Variants in DENND1A observed in about 807,000 individuals in gnomAD.
DENND1A encodes DENN domain-containing protein 1A.
DENND1A carries 51 observed loss-of-function variants against 113.7 expected under a neutral mutation model. The ratio of observed to expected loss-of-function variants is 0.45; its 90% CI spans 0.36 to 0.57. The LOEUF (loss-of-function observed/expected upper bound fraction) is 0.57, where lower values mean the gene tolerates loss of function less well. DENND1A is among the 20% of genes least tolerant of loss of function. DENND1A has a pLI of 0.00. For synonymous variants in DENND1A, 565 were observed against 570.8 expected (o/e 0.99, Z 0.14); for missense variants, 1,258 against 1,395.9 (o/e 0.90, Z 1.57).
intron 19 of DENND1A, among the ~76,000 whole-genome samples, chr9:123,435,079 G>A (rs76274475): frequency 0.07 from 10,628 of 152,226 alleles, 467 homozygotes; most frequent in Admixed American, 0.096. Flanking sequence ...GAAGATGGAG[G>A]AGTGAGTTTG....
intron 2 of DENND1A, among the ~76,000 whole-genome samples, chr9:123,847,123 T>C (rs1842733865): frequency 6.6e-6 from 1 of 152,176 alleles, no homozygotes; most frequent in Non-Finnish European, 1.5e-5. Context: ...GTTACTGGTG[T>C]GTGCCACTGT....
intron 19 of DENND1A, among the ~76,000 whole-genome samples, chr9:123,436,057 T>G (rs993787652): frequency 6.6e-6 from 1 of 152,216 alleles, no homozygotes; most frequent in African/African-American, 2.4e-5. Flanking sequence ...TGCCCAGGGC[T>G]GCCGGGGAGG....
chr9:123,514,629 A>G (rs1308186801), intron 13 of DENND1A, among the ~76,000 whole-genome samples: 2 of 152,210 alleles, frequency 1.3e-5, no homozygotes, highest in South Asian at 4.1e-4. Context: ...TGTAGAAAGT[A>G]GTCACAGATA....
intron 13 of DENND1A, among the ~76,000 whole-genome samples, chr9:123,514,387 A>G (rs1277678430): frequency 6.6e-6 from 1 of 152,010 alleles, no homozygotes; most frequent in African/African-American, 2.4e-5. Context: ...TTGGAACTTA[A>G]GTAGGATCTA....
chr9:123,410,201 C>A (rs749269591), intron 20 of DENND1A, among the ~76,000 whole-genome samples: 19 of 152,210 alleles, frequency 1.2e-4, no homozygotes, highest in Non-Finnish European at 1.5e-4. Context: ...GGCACAGCCC[C>A]GGAGGTGAAA....
intron 13 of DENND1A, among the ~76,000 whole-genome samples, chr9:123,473,198 G>A (rs1423438086): frequency 6.6e-6 from 1 of 152,184 alleles, no homozygotes; most frequent in African/African-American, 2.4e-5. Flanking sequence ...CTGCAAATCA[G>A]GCAACAGGAA....
chr9:123,516,152 AC>A (rs2053889237), intron 13 of DENND1A, among the ~76,000 whole-genome samples: 2 of 93,648 alleles, frequency 2.1e-5, no homozygotes, highest in African/African-American at 1.0e-4. Context: ...ACACACACAC[AC>A]ACAAAGGTTG....
intron 13 of DENND1A, among the ~76,000 whole-genome samples, chr9:123,508,831 T>C (rs2053197885): frequency 6.6e-6 from 1 of 152,216 alleles, no homozygotes; most frequent in African/African-American, 2.4e-5. Context: ...GTCTTTTTCC[T>C]AACACATTTT....
At chr9:123,859,487 A>G (rs1844750836) in intron 2 of DENND1A, among the ~76,000 whole-genome samples, 1 of 151,704 alleles carries the variant, frequency 6.6e-6, no homozygotes, top group Non-Finnish European at 1.5e-5. Context: ...AGGTTAAATT[A>G]CCTATTTAAA....
At position 123,380,195 on chromosome 9, in the gene DENND1A, G is replaced by GTGTC. The variant is rs1253272302; in HGVS notation, c.*1233_*1236dup. ...GGTCGAAATGCTCACAATTTCCTGC[G>GTGTC]TGTCTCAGATGGTTGTTTTCTTAAA... On this transcript the variant is annotated 3_prime_UTR_variant, in exon 24 of 24. Transcript: ENST00000394215. 6.6e-6 allele frequency: 1 copy of GTGTC among 152,364 alleles called. No homozygotes were observed. Among genetic ancestry groups the GTGTC allele is most frequent in the Non-Finnish European group, 1.5e-5 (1 of 68,038 alleles). The allele number at this position is 152,364 out of a possible 1,614,324, so 9.4% of individuals were successfully genotyped here.
intron 9 of DENND1A, among the ~76,000 whole-genome samples, chr9:123,643,425 GC>G (rs1431661860): frequency 6.6e-6 from 1 of 152,188 alleles, no homozygotes; most frequent in East Asian, 1.9e-4. Context: ...AAGTAAATAT[GC>G]CTTTGTCATT....
rs747659921 is a variant in DENND1A, at chr9:123,685,375, T to G, written c.303-8586A>C. Among the ~76,000 whole-genome samples the G allele has an allele frequency of 3.3e-5, 5 of 152,242 alleles. No homozygotes were observed. The South Asian group carries it at 6.2e-4, about 19-fold the overall frequency. On this transcript the variant is annotated intron_variant, in intron 5 of 23. Transcript: ENST00000394215. ...TTAGTTAAGCTCAAGAATCTCTGAT[T>G]TATGTCCATAATTAATGTCCCATTG...
intron 2 of DENND1A, among the ~76,000 whole-genome samples, chr9:123,856,816 T>C (rs932544686): frequency 6.6e-6 from 1 of 151,898 alleles, no homozygotes; most frequent in Admixed American, 6.6e-5. Flanking sequence ...TGGGTAGGCA[T>C]TGGTGGCAGC....
intron 13 of DENND1A, among the ~76,000 whole-genome samples, chr9:123,540,924 C>G (rs1006105010): frequency 6.6e-6 from 1 of 152,208 alleles, no homozygotes; most frequent in Non-Finnish European, 1.5e-5. Flanking sequence ...GTTCTAGAGG[C>G]AGACAGACCT....
chr9:123,702,261 G>C (rs1287846147), intron 5 of DENND1A, among the ~76,000 whole-genome samples: 1 of 151,710 alleles, frequency 6.6e-6, no homozygotes, highest in Non-Finnish European at 1.5e-5. Context: ...ACAATCAGAG[G>C]ATAAAAAAGG....
In DENND1A at chr9:123,422,534, A is replaced by G. The variant is rs2045389222; in HGVS notation, c.1489-10705T>C. Among the ~76,000 whole-genome samples the G allele has an allele frequency of 6.6e-6, 1 of 151,952 alleles. No homozygotes were observed. Among genetic ancestry groups the G allele is most frequent in the African/African-American group, 2.4e-5 (1 of 41,360 alleles). ...TTTTTTTTTTTTTTCCTTCCCTCAG[A>G]ACAAATGGACGGAGAACCTGGTTTT... is the stretch of plus-strand genomic sequence containing the variant. On this transcript the variant is annotated intron_variant, in intron 19 of 23. Coordinates refer to ENST00000394215, the MANE Select transcript of DENND1A (RefSeq NM_001352964.2). The surrounding 1 kb of genome is among the most constrained non-coding windows in gnomAD (Gnocchi z 4.8).
intron 12 of DENND1A, among the ~76,000 whole-genome samples, chr9:123,580,884 G>C (rs2058857011): frequency 6.6e-6 from 1 of 152,130 alleles, no homozygotes; most frequent in African/African-American, 2.4e-5. Context: ...GGGATACATA[G>C]AGTAGAAGCA....
rs994934381 is a variant in DENND1A, at chr9:123,704,196, T to C, written c.303-27407A>G. 2.6e-5 allele frequency among the ~76,000 whole-genome samples: 4 copies of C among 151,002 alleles called. No homozygotes were observed. The South Asian group carries it at 6.3e-4, about 24-fold the overall frequency. On this transcript the variant is annotated intron_variant, in intron 5 of 23. Transcript: ENST00000394215. ...CAGAAAAGTAAACAAGCAATAAAGC[T>C]AGTTTTTACCCCTGAAGCTCTTTGC...
chr9:123,748,733 T>C (rs539114667), intron 5 of DENND1A, among the ~76,000 whole-genome samples: 3 of 152,296 alleles, frequency 2.0e-5, no homozygotes, highest in African/African-American at 7.2e-5. Flanking sequence ...CTTATTGCTG[T>C]TGAAGGAAAG....
Sources: gnomAD v4.1 joint callset for allele counts (sites outside exome capture counted in the v4.1 genomes callset) on GRCh38, gnomAD v4.1.1 for gene constraint, Gnocchi (gnomAD v3.1) non-coding constraint, MANE v1.5 for transcripts, NCBI Gene and HGNC (gene_info 2026-07-23, HGNC 2026-07-21) for gene names.